PKP4: variants seen among roughly 807,000 people sequenced by gnomAD.
PKP4 encodes the protein plakophilin-4.
In PKP4, 90 loss-of-function variants were observed where a neutral mutation model predicts 145.1. The observed-to-expected ratio is 0.62, with a 90% CI of 0.52 to 0.74. PKP4 has a LOEUF of 0.74. Ranked by LOEUF, PKP4 falls within the 30% of genes least tolerant of loss-of-function variation. The pLI is 0.00. For synonymous variants in PKP4, 563 were observed against 577.2 expected (o/e 0.98, Z 0.35); for missense variants, 1,340 against 1,482.7 (o/e 0.90, Z 1.58).
At chr2:158,584,651 GTC>G (rs2048643220) in intron 3 of PKP4, among the ~76,000 whole-genome samples, 2 of 151,538 alleles carry the variant, frequency 1.3e-5, no homozygotes. Flanking sequence ...GTGAGACCCT[GTC>G]TCTACAAAAA....
chr2:158,640,474 G>A (rs181284768), intron 9 of PKP4, among the ~76,000 whole-genome samples, 153 bp from the exon 10 acceptor site: 33 of 152,242 alleles, frequency 2.2e-4, no homozygotes, highest in Middle Eastern at 3.4e-3. Flanking sequence ...ATGTTCATCA[G>A]GGGGAAAAAT....
In PKP4 at chr2:158,526,681, G is replaced by A. The variant is rs932359830; in HGVS notation, c.-5-6499G>A. ...AATAAAGGGTATTCAATTAGGAAAA[G>A]AGGAAGTCAAATTGTCCCTGTTTGC... On this transcript the variant is annotated intron_variant, in intron 1 of 21. Coordinates refer to ENST00000389759, the MANE Select transcript of PKP4 (RefSeq NM_003628.6). Among the ~76,000 whole-genome samples, 56 of 91,264 alleles carry A rather than the reference G, an allele frequency of 6.1e-4. 2 individuals are homozygous for A. The highest frequency in any genetic ancestry group is 2.1e-3 in the African/African-American group (47 of 21,940). 59.9% of individuals were successfully genotyped at this position (91,264 alleles called of 152,430 possible). A position where few individuals can be genotyped will look rare whatever the true frequency, so the allele number is the denominator to read the frequency against.
chr2:158,526,097 G>C (rs10454743), intron 1 of PKP4, among the ~76,000 whole-genome samples: 126 of 151,234 alleles, frequency 8.3e-4, no homozygotes, highest in African/African-American at 2.7e-3. Context: ...CTATTCCAAT[G>C]AATAGAAAAA....
At chr2:158,501,228 A>G (rs1185290054) in intron 1 of PKP4, among the ~76,000 whole-genome samples, 1 of 152,226 alleles carries the variant, frequency 6.6e-6, no homozygotes, top group Non-Finnish European at 1.5e-5. Context: ...TGTATTAACA[A>G]GAAGACTAAT....
At chr2:158,605,693 T>G (rs898035464) in intron 4 of PKP4, among the ~76,000 whole-genome samples, 1 of 152,122 alleles carries the variant, frequency 6.6e-6, no homozygotes, top group Non-Finnish European at 1.5e-5. Flanking sequence ...ACTCTTAAAT[T>G]TTTTTTAGTA....
chr2:158,655,710 T>C (rs1405011044), intron 11 of PKP4, among the ~76,000 whole-genome samples: 1 of 152,230 alleles, frequency 6.6e-6, no homozygotes, highest in South Asian at 2.1e-4. Flanking sequence ...GACAGAAAAT[T>C]TGTGCCAATG....
chr2:158,670,230 A>G (rs773157006), intron 17 of PKP4, among the ~76,000 whole-genome samples: 3 of 152,146 alleles, frequency 2.0e-5, no homozygotes, highest in Non-Finnish European at 2.9e-5. Context: ...ACAGAAATTT[A>G]TTTCTCACAG....
intron 4 of PKP4, among the ~76,000 whole-genome samples, chr2:158,615,701 T>A (rs898152702): frequency 3.9e-5 from 6 of 152,222 alleles, no homozygotes; most frequent in Non-Finnish European, 8.8e-5. Context: ...AGTTTATGCA[T>A]TCACAAAATT....
intron 11 of PKP4, among the ~76,000 whole-genome samples, chr2:158,656,787 C>A (rs901745512): frequency 1.5e-4 from 23 of 152,328 alleles, no homozygotes; most frequent in African/African-American, 5.5e-4. Flanking sequence ...ACTCTCTTCA[C>A]TTCTAGCCCT....
chr2:158,533,557 T>C, intron 2 of PKP4: 1 of 587,188 alleles, frequency 1.7e-6, no homozygotes, highest in Non-Finnish European at 3.3e-6. Context: ...TCGATGGTGA[T>C]CGGTGTCTCT....
intron 2 of PKP4, among the ~76,000 whole-genome samples, chr2:158,547,010 C>T (rs1177767265): frequency 6.6e-6 from 1 of 152,174 alleles, no homozygotes. Flanking sequence ...TAAATTCAGT[C>T]TACCACCTAT....
intron 2 of PKP4, among the ~76,000 whole-genome samples, chr2:158,551,022 A>G (rs1231660825): frequency 1.3e-5 from 2 of 152,348 alleles, no homozygotes; most frequent in East Asian, 3.9e-4. Context: ...TGCATGAATC[A>G]CCATTTTTAG....
chr2:158,617,233 A>G (rs1403961559), intron 4 of PKP4, among the ~76,000 whole-genome samples: 1 of 152,130 alleles, frequency 6.6e-6, no homozygotes. Flanking sequence ...CAATTTCTGT[A>G]TTTTTAGACA....
intron 4 of PKP4, among the ~76,000 whole-genome samples, chr2:158,606,833 A>G (rs2050697066): frequency 2.0e-5 from 3 of 152,220 alleles, no homozygotes; most frequent in Admixed American, 2.0e-4. Flanking sequence ...TGCCCTCTTA[A>G]GAACTTCAGG....
At chr2:158,548,708 C>T in intron 2 of PKP4, 1 of 223,936 alleles carries the variant, frequency 4.5e-6, no homozygotes, top group East Asian at 1.4e-4. Context: ...AGCAGCTACT[C>T]AGCTGCTTAA....
chr2:158,560,142 CAGGCGTGAGCCA>C (rs1224237712), intron 2 of PKP4, among the ~76,000 whole-genome samples: 1 of 152,192 alleles, frequency 6.6e-6, no homozygotes, highest in Non-Finnish European at 1.5e-5. Context: ...GCTAGGATTA[CAGGCGTGAGCCA>C]CCGTGCCTGG....
chr2:158,467,959 C>T (rs532517119), intron 1 of PKP4, among the ~76,000 whole-genome samples: 5 of 152,236 alleles, frequency 3.3e-5, no homozygotes, highest in South Asian at 2.1e-4. Flanking sequence ...CAGGTTGCTG[C>T]GTGTATCGAT....
Position 158,634,904 on chromosome 2 carries a change from G to GA in PKP4, c.1562+616dup, listed in dbSNP as rs927401972. On this transcript the variant is annotated intron_variant, in intron 9 of 21. Coordinates refer to ENST00000389759, the MANE Select transcript of PKP4 (RefSeq NM_003628.6). The stretch of plus-strand genomic sequence containing the variant: ...GCCCTGTAGACAGCATTTTTATTAA[G>GA]ATAATATGAGTCATTTAATACTTGA... Among the ~76,000 whole-genome samples, 502 of 152,156 alleles carry GA rather than the reference G, an allele frequency of 3.3e-3. 2 individuals carry two copies. The highest frequency in any genetic ancestry group is 0.011 in the African/African-American group (454 of 41,534).
chr2:158,487,521 A>T lies in PKP4; in HGVS notation c.-6+30303A>T, dbSNP rs538439764. The stretch of plus-strand genomic sequence containing the variant: ...TGGATCATACTGTTGCTATGAGTTA[A>T]TATGGGAGGTGTCATATGCATAAAG... On this transcript the variant is annotated intron_variant, in intron 1 of 21. Transcript: ENST00000389759. Among the ~76,000 whole-genome samples, 6 of 152,346 alleles carry T rather than the reference A, an allele frequency of 3.9e-5. No individual in the cohort carries two copies. The South Asian group carries it at 1.2e-3, about 32-fold the overall frequency.
Sources: allele counts gnomAD v4.1 joint callset (sites outside exome capture counted in the v4.1 genomes callset), GRCh38; gene constraint gnomAD v4.1.1; transcripts MANE v1.5; gene names NCBI Gene and HGNC (gene_info 2026-07-23, HGNC 2026-07-21).